Variants in IL31RA observed in about 807,000 individuals in gnomAD.
IL31RA encodes the protein interleukin 31 receptor A, also known as interleukin-31 receptor subunit alpha.
IL31RA carries 66 observed loss-of-function variants against 83.7 expected under a neutral mutation model. The ratio of observed to expected loss-of-function variants is 0.79; its 90% CI spans 0.65 to 0.97. The LOEUF (loss-of-function observed/expected upper bound fraction) is 0.97, where lower values mean the gene tolerates loss of function less well. Among genes scored for constraint, IL31RA ranks in the 50% least tolerant of loss-of-function variants. The probability of loss-of-function intolerance (pLI) is 0.00; values close to 1 mark genes in which losing one functional copy is unlikely to be tolerated. For synonymous variants in IL31RA, 325 were observed against 329.0 expected, an observed-to-expected ratio of 0.99 and a Z score of 0.13; for missense variants, 798 against 919.4, an observed-to-expected ratio of 0.87 and a Z score of 1.71.
At chr5:55,849,673 A>G (rs1433400348), upstream of IL31RA, among the ~76,000 whole-genome samples, 1 of 152,000 alleles carries the variant, frequency 6.6e-6, no homozygotes, top group Non-Finnish European at 1.5e-5. Context: ...GTATTTTTTC[A>G]TTGGAAATAT....
upstream of IL31RA, among the ~76,000 whole-genome samples, chr5:55,849,158 A>G (rs148832322): frequency 2.0e-4 from 30 of 152,214 alleles, no homozygotes; most frequent in African/African-American, 7.0e-4. Context: ...ATACAGTGCT[A>G]TATCCCTTCC....
intron 2 of IL31RA, among the ~76,000 whole-genome samples, chr5:55,866,326 G>A (rs1288998683): frequency 6.6e-6 from 1 of 152,154 alleles, no homozygotes; most frequent in Non-Finnish European, 1.5e-5. Flanking sequence ...TTTGGCACCA[G>A]GGACCGGTTT....
intron 5 of IL31RA, among the ~76,000 whole-genome samples, chr5:55,888,215 C>G (rs1043900862): frequency 1.3e-5 from 2 of 152,140 alleles, no homozygotes; most frequent in African/African-American, 4.8e-5. Flanking sequence ...GGTTCCATTG[C>G]CTGTGCAGAG....
intron 3 of IL31RA, among the ~76,000 whole-genome samples, chr5:55,870,957 C>T (rs1025840534): frequency 6.6e-6 from 1 of 152,170 alleles, no homozygotes; most frequent in African/African-American, 2.4e-5. Flanking sequence ...AAGGTCACAG[C>T]ATGAATAAAT....
Position 55,906,114 on chromosome 5 carries a change from T to C in IL31RA, c.1078T>C (p.Cys360Arg). The C allele has an allele frequency of 6.2e-7, 1 of 1,614,180 alleles. No individual in the cohort carries two copies. The highest frequency in any genetic ancestry group is 8.5e-7 in the Non-Finnish European group (1 of 1,180,018). ...IPAIQEKSFQ[C>R]IEVMQACVAE... ...CTTTTCTCTCCTTTCAGCATTTCAG[T>C]GCATTGAGGTCATGCAGGCCTGCGT... Residue 360 changes from cysteine (C) to arginine (R), a missense_variant, in exon 9 of 15, where the codon TGC (cysteine) becomes CGC (arginine). By Grantham distance (180) the Cys-to-Arg change is radical. Coordinates refer to ENST00000652347, the MANE Select transcript of IL31RA (RefSeq NM_139017.7).
rs533302146 is a variant in IL31RA, at chr5:55,903,266, C to A, written c.1070-2840C>A. Among the ~76,000 whole-genome samples the A allele has an allele frequency of 6.6e-6, 1 of 152,196 alleles. No homozygotes were observed. The highest frequency in any genetic ancestry group is 1.5e-5 in the Non-Finnish European group (1 of 68,040). ...GGGCAGAGCTCAGGATGGGCCAGGACGGTTGGCAAAGGAGAAGCAGCACCA... is the reference window on the plus strand; with the variant it reads ...GGGCAGAGCTCAGGATGGGCCAGGAAGGTTGGCAAAGGAGAAGCAGCACCA... On this transcript the variant is annotated intron_variant, in intron 8 of 14. Coordinates refer to ENST00000652347, the MANE Select transcript of IL31RA (RefSeq NM_139017.7). The surrounding 1 kb of genome is among the most constrained non-coding windows in gnomAD (Gnocchi z 4.7).
chr5:55,847,277 AAATAAATAAAAAG>A, upstream of IL31RA, among the ~76,000 whole-genome samples: 1 of 148,334 alleles, frequency 6.7e-6, no homozygotes, highest in Non-Finnish European at 1.5e-5. Flanking sequence ...ATAAATAAAT[AAATAAATAAAAAG>A]AAAAGAAAAG....
At chr5:55,861,164 T>C (rs546603977) in intron 2 of IL31RA, among the ~76,000 whole-genome samples, 141 of 152,300 alleles carry the variant, frequency 9.3e-4, no homozygotes, top group African/African-American at 3.3e-3. Flanking sequence ...CATGTACTAA[T>C]TGGGGTCACC....
At chr5:55,916,201 C>T (rs2112593937) in intron 14 of IL31RA, among the ~76,000 whole-genome samples, 1 of 152,098 alleles carries the variant, frequency 6.6e-6, no homozygotes, top group Non-Finnish European at 1.5e-5. Flanking sequence ...GGTAACATGA[C>T]AAAACCCCAT....
chr5:55,919,316 G>C lies in IL31RA; in HGVS notation c.*2196G>C, dbSNP rs1232707615. 6.6e-6 allele frequency among the ~76,000 whole-genome samples: 1 copy of C among 152,196 alleles called. No individual in the cohort carries two copies. The highest frequency in any genetic ancestry group is 1.5e-5 in the Non-Finnish European group (1 of 68,042). ...CTTGTCTGTCTCACACCTGGATGTA[G>C]ATGAAGCTTCTGAACCTAAAATCTA... On this transcript the variant is annotated 3_prime_UTR_variant, in exon 15 of 15. Coordinates refer to ENST00000652347, the MANE Select transcript of IL31RA (RefSeq NM_139017.7).
intron 6 of IL31RA, among the ~76,000 whole-genome samples, chr5:55,893,000 T>G (rs1335938662): frequency 6.6e-6 from 1 of 152,216 alleles, no homozygotes; most frequent in Non-Finnish European, 1.5e-5. Flanking sequence ...TGTTTTCCTA[T>G]TTCAATGAAA....
At chr5:55,848,816 G>A (rs933905426), upstream of IL31RA, among the ~76,000 whole-genome samples, 17 of 152,116 alleles carry the variant, frequency 1.1e-4, no homozygotes, top group Admixed American at 3.9e-4. Context: ...CTATCCATCC[G>A]TCAATCCATT....
At chr5:55,853,354 G>C in intron 1 of IL31RA, 1 of 1,304,558 alleles carries the variant, frequency 7.7e-7, no homozygotes, top group Non-Finnish European at 9.8e-7. Context: ...CCCAGCATAA[G>C]TGGGTAAGTG....
At position 55,917,160 on chromosome 5, in the gene IL31RA, A is replaced by T; in HGVS notation, c.*40A>T. On this transcript the variant is annotated 3_prime_UTR_variant, in exon 15 of 15. Transcript: ENST00000652347. ...TGAGACCCTCGGGGCCTCAGTGTGG[A>T]TGGCCCTTGCCAGAGAAGATGTCAA... 6.2e-7 allele frequency: 1 copy of T among 1,613,146 alleles called. No individual in the cohort carries two copies. The highest frequency in any genetic ancestry group is 8.5e-7 in the Non-Finnish European group (1 of 1,180,022).
Position 55,921,159 on chromosome 5 carries a change from C to G in IL31RA, c.*4039C>G, listed in dbSNP as rs1229984377. Among the ~76,000 whole-genome samples, 1 of 152,156 alleles carries G rather than the reference C, an allele frequency of 6.6e-6. No individual in the cohort carries two copies. The highest frequency in any genetic ancestry group is 1.5e-5 in the Non-Finnish European group (1 of 68,030). On this transcript the variant is annotated 3_prime_UTR_variant, in exon 15 of 15. Coordinates refer to ENST00000652347, the MANE Select transcript of IL31RA (RefSeq NM_139017.7). ...CCCCTCTAGGTGTCCCCTCTTTTTT[C>G]TAATTTAAAATTTGTTTTAAATTCA...
In IL31RA at chr5:55,915,303, C is replaced by G. The variant is rs534950827; in HGVS notation, c.1818+375C>G. 3.2e-3 allele frequency among the ~76,000 whole-genome samples: 488 copies of G among 152,254 alleles called. 3 individuals carry two copies. The highest frequency in any genetic ancestry group is 0.011 in the African/African-American group (472 of 41,524). The stretch of plus-strand genomic sequence containing the variant: ...AAGCCATTTACAAAGCAGCCAAGAG[C>G]ACATTAATCTAAAGACTGTCTAAAT... On this transcript the variant is annotated intron_variant, in intron 14 of 14. Coordinates refer to ENST00000652347, the MANE Select transcript of IL31RA (RefSeq NM_139017.7).
intron 7 of IL31RA, among the ~76,000 whole-genome samples, chr5:55,898,413 A>G (rs558688663): frequency 9.9e-5 from 15 of 151,610 alleles, no homozygotes; most frequent in African/African-American, 3.6e-4. Context: ...AAAATTAAAT[A>G]ATAGTGATAG....
chr5:55,888,726 C>G (rs779880127), intron 5 of IL31RA, among the ~76,000 whole-genome samples: 22 of 152,172 alleles, frequency 1.4e-4, no homozygotes, highest in Non-Finnish European at 3.1e-4. Flanking sequence ...CTCCACAACC[C>G]TAGTCTGCCA....
rs1347913289 is a variant in IL31RA at position 55,903,241 on chromosome 5, G to C, written c.1070-2865G>C. Among the ~76,000 whole-genome samples, 1 of 152,230 alleles carries C rather than the reference G, an allele frequency of 6.6e-6. No homozygotes were observed. Among genetic ancestry groups the C allele is most frequent in the African/African-American group, 2.4e-5 (1 of 41,454 alleles). On this transcript the variant is annotated intron_variant, in intron 8 of 14. Transcript: ENST00000652347. The surrounding 1 kb of genome is among the most constrained non-coding windows in gnomAD (Gnocchi z 4.7). ...AGAGGAGGAAGATGGGCCCAAGTTGGGGCAGAGCTCAGGATGGGCCAGGAC... is the reference window on the plus strand; with the variant it reads ...AGAGGAGGAAGATGGGCCCAAGTTGCGGCAGAGCTCAGGATGGGCCAGGAC...
Sources: allele counts gnomAD v4.1 joint callset (sites outside exome capture counted in the v4.1 genomes callset), GRCh38; gene constraint gnomAD v4.1.1; non-coding constraint Gnocchi (gnomAD v3.1); transcripts MANE v1.5; gene names NCBI Gene and HGNC (gene_info 2026-07-23, HGNC 2026-07-21).